The following ADAMTSL1 variants were observed in gnomAD, a reference collection of about 807,000 sequenced individuals.
ADAMTSL1 encodes ADAMTS-like protein 1.
ADAMTSL1 carries 126 observed loss-of-function variants against 201.8 expected under a neutral mutation model. The ratio of observed to expected loss-of-function variants is 0.62; its 90% CI spans 0.54 to 0.72. ADAMTSL1 has a LOEUF of 0.72. ADAMTSL1 is among the 30% of genes least tolerant of loss of function. ADAMTSL1 has a pLI of 0.00. For missense variants in ADAMTSL1, 2,679 were observed against 2,277.8 expected (o/e 1.18, Z -3.59); for synonymous variants, 1,121 against 903.4 (o/e 1.24, Z -4.32).
At chr9:18,639,896 T>C (rs1827337997) in intron 7 of ADAMTSL1, among the ~76,000 whole-genome samples, 1 of 152,114 alleles carries the variant, frequency 6.6e-6, no homozygotes, top group South Asian at 2.1e-4. Flanking sequence ...TTCAAGGTAA[T>C]ATAAAACACA....
intron 2 of ADAMTSL1, among the ~76,000 whole-genome samples, chr9:18,458,385 G>A (rs534514458): frequency 2.0e-5 from 3 of 152,190 alleles, no homozygotes; most frequent in South Asian, 2.1e-4. Flanking sequence ...TTTTTATACT[G>A]GTTGTTACAG....
chr9:18,804,583 C>G (rs902303077), intron 20 of ADAMTSL1, among the ~76,000 whole-genome samples: 12 of 152,122 alleles, frequency 7.9e-5, no homozygotes, highest in African/African-American at 2.7e-4. Context: ...TTCTGGCCAG[C>G]AAGGAATAGT....
chr9:18,277,176 C>A (rs1256674397), intron 2 of ADAMTSL1, among the ~76,000 whole-genome samples: 1 of 152,166 alleles, frequency 6.6e-6, no homozygotes, highest in Admixed American at 6.5e-5. Context: ...ATCTATCCTG[C>A]ATAATGTTCT....
chr9:18,329,326 C>A (rs1048010653), intron 2 of ADAMTSL1, among the ~76,000 whole-genome samples: 1 of 152,142 alleles, frequency 6.6e-6, no homozygotes, highest in Non-Finnish European at 1.5e-5. Context: ...TTGTAATACA[C>A]ATTAGCCTAA....
intron 1 of ADAMTSL1, among the ~76,000 whole-genome samples, chr9:18,148,023 C>A (rs868064083): frequency 1.8e-4 from 27 of 152,022 alleles, no homozygotes; most frequent in Admixed American, 1.4e-3. Context: ...ACCTCCAGCA[C>A]CTGACACAGC....
intron 1 of ADAMTSL1, among the ~76,000 whole-genome samples, chr9:18,477,444 C>A (rs1821508842): frequency 1.3e-5 from 2 of 152,178 alleles, no homozygotes; most frequent in Non-Finnish European, 2.9e-5. Flanking sequence ...CCTTCAGTCC[C>A]TCTGGCACTC....
rs41268989 is a variant in ADAMTSL1 at position 18,908,716 on chromosome 9, G to C, written c.*168G>C. The C allele has an allele frequency of 3.3e-5, 19 of 582,866 alleles. No individual in the cohort carries two copies. The highest frequency in any genetic ancestry group is 5.5e-5 in the Non-Finnish European group (18 of 330,118). The allele number at this position is 582,866 out of a possible 1,614,324, so 36.1% of individuals were successfully genotyped here. A position where few individuals can be genotyped will look rare whatever the true frequency, so the allele number is the denominator to read the frequency against. On this transcript the variant is annotated 3_prime_UTR_variant, in exon 29 of 29. Transcript: ENST00000380548. ...CACCTTCAAGCATAAGGACGTCCGC[G>C]TGTTTTCTCTTTCAGTTAGCTGGAG... is the stretch of plus-strand genomic sequence containing the variant.
chr9:18,422,635 A>C (rs1819012030), intron 2 of ADAMTSL1, among the ~76,000 whole-genome samples: 1 of 152,016 alleles, frequency 6.6e-6, no homozygotes, highest in Non-Finnish European at 1.5e-5. Flanking sequence ...CACCATTCAG[A>C]ATGCCTTTTC....
chr9:18,721,970 C>G (rs903056372), intron 15 of ADAMTSL1, among the ~76,000 whole-genome samples: 1 of 152,172 alleles, frequency 6.6e-6, no homozygotes, highest in Non-Finnish European at 1.5e-5. Context: ...TGACAACAGA[C>G]TTCATGGGCT....
chr9:18,596,039 T>C (rs1012633995), intron 4 of ADAMTSL1, among the ~76,000 whole-genome samples: 2 of 152,220 alleles, frequency 1.3e-5, no homozygotes, highest in Non-Finnish European at 2.9e-5. Context: ...TTACCTCCTA[T>C]TCTGCTATCT....
intron 2 of ADAMTSL1, among the ~76,000 whole-genome samples, chr9:18,514,855 G>A (rs1378551056): frequency 1.3e-5 from 2 of 152,094 alleles, no homozygotes; most frequent in African/African-American, 4.8e-5. Context: ...GAGCAACTTT[G>A]CCTTGTTCCT....
intron 13 of ADAMTSL1, among the ~76,000 whole-genome samples, chr9:18,696,821 C>T (rs1831579539): frequency 6.6e-6 from 1 of 151,068 alleles, no homozygotes; most frequent in Non-Finnish European, 1.5e-5. Flanking sequence ...CAAAAGGGTA[C>T]AATCATAAGT....
intron 12 of ADAMTSL1, among the ~76,000 whole-genome samples, chr9:18,683,778 C>A (rs1489035921): frequency 6.6e-6 from 1 of 152,180 alleles, no homozygotes; most frequent in Non-Finnish European, 1.5e-5. Flanking sequence ...AAGCAGTTTG[C>A]AGTTAACTAT....
At chr9:18,082,569 C>T (rs1329924) in intron 1 of ADAMTSL1, among the ~76,000 whole-genome samples, 36,674 of 152,088 alleles carry the variant, frequency 0.24, 6,086 homozygotes, top group African/African-American at 0.47. Flanking sequence ...AAGACACATC[C>T]TATGTGAGCC....
At chr9:18,734,633 T>A (rs1266597103) in intron 15 of ADAMTSL1, among the ~76,000 whole-genome samples, 1 of 152,204 alleles carries the variant, frequency 6.6e-6, no homozygotes, top group Non-Finnish European at 1.5e-5. Context: ...GTTAGAGATA[T>A]CAGCCAGTGT....
At chr9:18,186,849 AC>A (rs1828757402) in intron 2 of ADAMTSL1, among the ~76,000 whole-genome samples, 1 of 151,906 alleles carries the variant, frequency 6.6e-6, no homozygotes, top group Non-Finnish European at 1.5e-5. Context: ...ACACACACAC[AC>A]ACACACACAC....
chr9:18,608,861 C>T (rs1046244809), intron 4 of ADAMTSL1, among the ~76,000 whole-genome samples: 1 of 152,132 alleles, frequency 6.6e-6, no homozygotes, highest in Non-Finnish European at 1.5e-5. Flanking sequence ...GACTACTTTT[C>T]CTTTTAAAAA....
At chr9:18,347,025 A>C (rs1835754518) in intron 2 of ADAMTSL1, among the ~76,000 whole-genome samples, 1 of 152,216 alleles carries the variant, frequency 6.6e-6, no homozygotes, top group Non-Finnish European at 1.5e-5. Context: ...GCTCTGCTAC[A>C]GCTGCCTGCT....
intron 19 of ADAMTSL1, among the ~76,000 whole-genome samples, chr9:18,779,610 G>A (rs942130403): frequency 2.0e-5 from 3 of 152,116 alleles, no homozygotes; most frequent in Admixed American, 2.0e-4. Flanking sequence ...CTCTGTCCAC[G>A]CCCTCCAGCC....
Sources: allele counts gnomAD v4.1 joint callset (sites outside exome capture counted in the v4.1 genomes callset), GRCh38; gene constraint gnomAD v4.1.1; transcripts MANE v1.5; gene names NCBI Gene and HGNC (gene_info 2026-07-23, HGNC 2026-07-21).